Variants in TNFRSF11A observed in about 807,000 individuals in gnomAD.
TNFRSF11A encodes the protein tumor necrosis factor receptor superfamily member 11A.
Under a neutral mutation model 55.7 loss-of-function variants are expected in TNFRSF11A, and 32 were observed. That is an observed-to-expected ratio of 0.57 (90% CI 0.43 to 0.77). The LOEUF (loss-of-function observed/expected upper bound fraction) is 0.77, where lower values mean the gene tolerates loss of function less well. TNFRSF11A is among the 30% of genes least tolerant of loss of function. The pLI, the probability that TNFRSF11A is intolerant of heterozygous loss-of-function variation, is 0.00. For synonymous variants in TNFRSF11A, 311 were observed against 331.0 expected, an observed-to-expected ratio of 0.94 and a Z score of 0.65; for missense variants, 753 against 809.8, an observed-to-expected ratio of 0.93 and a Z score of 0.85.
chr18:62,364,045 C>T (rs901231438), intron 7 of TNFRSF11A, among the ~76,000 whole-genome samples: 1 of 152,124 alleles, frequency 6.6e-6, no homozygotes, highest in Non-Finnish European at 1.5e-5. Context: ...GCAGGGTAGG[C>T]GTTAAGCCCA....
At chr18:62,360,793 T>C (rs1909628628) in intron 6 of TNFRSF11A, among the ~76,000 whole-genome samples, 1 of 152,122 alleles carries the variant, frequency 6.6e-6, no homozygotes, top group South Asian at 2.1e-4. Context: ...AGAAAGTTGA[T>C]GGTGGAGGCT....
intron 7 of TNFRSF11A, among the ~76,000 whole-genome samples, chr18:62,365,368 A>T (rs1364505027): frequency 6.6e-6 from 1 of 152,224 alleles, no homozygotes; most frequent in South Asian, 2.1e-4. Context: ...AATTCATAAA[A>T]TTTAACCTTT....
chr18:62,345,701 G>T (rs1163446969), intron 1 of TNFRSF11A, among the ~76,000 whole-genome samples: 1 of 151,690 alleles, frequency 6.6e-6, no homozygotes, highest in African/African-American at 2.4e-5. Context: ...ACTTTAAAAG[G>T]TTTAATTTTA....
chr18:62,382,936 G>A (rs1568498278), intron 9 of TNFRSF11A, among the ~76,000 whole-genome samples: 1 of 152,110 alleles, frequency 6.6e-6, no homozygotes, highest in Non-Finnish European at 1.5e-5. Context: ...TTCCTGATGA[G>A]TTTATCTGGT....
chr18:62,379,710 A>G (rs1192322763), intron 9 of TNFRSF11A, among the ~76,000 whole-genome samples: 2 of 152,178 alleles, frequency 1.3e-5, no homozygotes, highest in Non-Finnish European at 2.9e-5. Flanking sequence ...TTCAAGATAC[A>G]ATTGGTACAA....
chr18:62,364,933 C>A (rs1235361991), intron 7 of TNFRSF11A, among the ~76,000 whole-genome samples: 1 of 152,094 alleles, frequency 6.6e-6, no homozygotes, highest in Non-Finnish European at 1.5e-5. Context: ...CCTGACAACT[C>A]CTAACTTTAG....
chr18:62,333,437 G>T (rs752537587), intron 1 of TNFRSF11A, among the ~76,000 whole-genome samples: 71 of 152,290 alleles, frequency 4.7e-4, no homozygotes, highest in Non-Finnish European at 9.1e-4. Flanking sequence ...CCATGAAAAG[G>T]TTTGCACTCA....
At chr18:62,338,853 T>C (rs1392794335) in intron 1 of TNFRSF11A, among the ~76,000 whole-genome samples, 1 of 152,208 alleles carries the variant, frequency 6.6e-6, no homozygotes, top group Non-Finnish European at 1.5e-5. Flanking sequence ...AAAGTTTTTT[T>C]AAAAAGGCAT....
At chr18:62,367,060 C>T (rs1405897528) in intron 8 of TNFRSF11A, among the ~76,000 whole-genome samples, 5 of 152,142 alleles carry the variant, frequency 3.3e-5, no homozygotes, top group South Asian at 4.1e-4. Flanking sequence ...GTGTTGGCCA[C>T]GCTAGTCTCG....
At position 62,348,155 on chromosome 18, in the gene TNFRSF11A, G is replaced by A. The variant is rs2046412908; in HGVS notation, c.76-13G>A. ...TGTGTGGACTCTCTGCCTGACCTCA[G>A]TGTTCTTTTCAGGTGGCTTTGCAGA... On this transcript the variant is annotated splice_polypyrimidine_tract_variant and intron_variant, in intron 1 of 9. Transcript: ENST00000586569. The A allele has an allele frequency of 1.2e-6, 2 of 1,611,468 alleles. No individual in the cohort carries two copies. Among genetic ancestry groups the A allele is most frequent in the Non-Finnish European group, 1.7e-6 (2 of 1,177,880 alleles).
chr18:62,373,055 A>G (rs1910659580), intron 9 of TNFRSF11A: 1 of 152,232 alleles, frequency 6.6e-6, no homozygotes, highest in African/African-American at 2.4e-5. Context: ...AGTCTGCCCC[A>G]TCCCTGACCT....
At chr18:62,360,722 C>T (rs916892838) in intron 6 of TNFRSF11A, among the ~76,000 whole-genome samples, 6 of 152,152 alleles carry the variant, frequency 3.9e-5, no homozygotes, top group African/African-American at 1.4e-4. Context: ...GCTAGGATTA[C>T]AGTAGTGAGC....
intron 6 of TNFRSF11A, among the ~76,000 whole-genome samples, 156 bp downstream of exon 6, chr18:62,360,205 T>G (rs1909574711): frequency 6.6e-6 from 1 of 152,210 alleles, no homozygotes; most frequent in Non-Finnish European, 1.5e-5. Flanking sequence ...CATCAGTATT[T>G]TAATTCCAGG....
Position 62,386,030 on chromosome 18 carries a change from C to T in TNFRSF11A, c.*996C>T, listed in dbSNP as rs1486868095. ...CTCCTGAATCTTTTTAAGTTTGTGT[C>T]GTTCCTTAAGCAGAACTAAGCTCAG... is the stretch of plus-strand genomic sequence containing the variant. On this transcript the variant is annotated 3_prime_UTR_variant, in exon 10 of 10. Transcript: ENST00000586569. 6.6e-6 allele frequency: 1 copy of T among 152,168 alleles called. No individual in the cohort carries two copies. Among genetic ancestry groups the T allele is most frequent in the Non-Finnish European group, 1.5e-5 (1 of 68,032 alleles). 9.4% of individuals were successfully genotyped at this position (152,168 alleles called of 1,614,324 possible).
In TNFRSF11A at chr18:62,387,175, A is replaced by G. The variant is rs181479830; in HGVS notation, c.*2141A>G. The G allele has an allele frequency of 6.6e-6, 1 of 152,344 alleles. No individual in the cohort carries two copies. The highest frequency in any genetic ancestry group is 6.5e-5 in the Admixed American group (1 of 15,310). The allele number at this position is 152,344 out of a possible 1,614,324, so 9.4% of individuals were successfully genotyped here. A position where few individuals can be genotyped will look rare whatever the true frequency, so the allele number is the denominator to read the frequency against. On this transcript the variant is annotated 3_prime_UTR_variant, in exon 10 of 10. Transcript: ENST00000586569. The stretch of plus-strand genomic sequence containing the variant: ...TTGAGATCCTTAAATCAAAGGTGCT[A>G]TATACATAAGTAAGACTCTACTTTC...
rs113793625 is a variant in TNFRSF11A, at chr18:62,332,873, C to G, written c.75+7446C>G. On this transcript the variant is annotated intron_variant, in intron 1 of 9. Transcript: ENST00000586569. ...CCTCTGACTTCAGAGAGGCTGAGAT[C>G]TGATGGGGAAGGTCGGATGTCCCAT... is the stretch of plus-strand genomic sequence containing the variant. Among the ~76,000 whole-genome samples the G allele has an allele frequency of 1.9e-3, 291 of 152,330 alleles. 3 individuals are homozygous for G. Among genetic ancestry groups the G allele is most frequent in the African/African-American group, 6.8e-3 (282 of 41,578 alleles).
At chr18:62,334,829 G>A (rs1380719829) in intron 1 of TNFRSF11A, among the ~76,000 whole-genome samples, 1 of 152,184 alleles carries the variant, frequency 6.6e-6, no homozygotes, top group Non-Finnish European at 1.5e-5. Flanking sequence ...TTTACTTGGA[G>A]TGAGATCAGG....
rs566017348 is a variant in TNFRSF11A at position 62,331,421 on chromosome 18, CTT to C, written c.75+5999_75+6000del. Among the ~76,000 whole-genome samples the C allele has an allele frequency of 7.2e-5, 11 of 152,228 alleles. No homozygotes were observed. In the South Asian group the frequency reaches 2.3e-3, roughly 32 times the overall value. On this transcript the variant is annotated intron_variant, in intron 1 of 9. Coordinates refer to ENST00000586569, the MANE Select transcript of TNFRSF11A (RefSeq NM_003839.4). Reference sequence around the variant, plus strand: ...TTACGTTTAGGCTCTTGAATCTCCCCTTTTTTGGGTTCTCTTATTGGGAGGCA... The same window carrying C: ...TTACGTTTAGGCTCTTGAATCTCCCCTTTTGGGTTCTCTTATTGGGAGGCA...
In TNFRSF11A at chr18:62,389,584, G is replaced by T. The variant is rs1219280988; in HGVS notation, c.*4550G>T. 2 of 152,212 alleles carry T rather than the reference G, an allele frequency of 1.3e-5. No individual in the cohort carries two copies. The highest frequency in any genetic ancestry group is 4.8e-5 in the African/African-American group (2 of 41,428). 9.4% of individuals were successfully genotyped at this position (152,212 alleles called of 1,614,324 possible). A position where few individuals can be genotyped will look rare whatever the true frequency, so the allele number is the denominator to read the frequency against. The stretch of plus-strand genomic sequence containing the variant: ...CTGCTCCTCCTGACCCACCCGCATG[G>T]CTCTGCACAGCTGTGAGTCCAGTTT... On this transcript the variant is annotated 3_prime_UTR_variant, in exon 10 of 10. Coordinates refer to ENST00000586569, the MANE Select transcript of TNFRSF11A (RefSeq NM_003839.4).
Sources: allele counts gnomAD v4.1 joint callset (sites outside exome capture counted in the v4.1 genomes callset), GRCh38; gene constraint gnomAD v4.1.1; transcripts MANE v1.5; gene names NCBI Gene and HGNC (gene_info 2026-07-23, HGNC 2026-07-21).